SLBP: variants seen among roughly 807,000 people sequenced by gnomAD.
SLBP encodes stem-loop histone mRNA binding protein.
SLBP carries 29 observed loss-of-function variants against 39.2 expected under a neutral mutation model. That is an observed-to-expected ratio of 0.74 (90% CI 0.55 to 1.01). The LOEUF is 1.01. Ranked by LOEUF, SLBP falls within the 50% of genes least tolerant of loss-of-function variation. SLBP has a pLI of 0.00. For missense variants in SLBP, 390 were observed against 350.2 expected (o/e 1.11, Z -0.91); for synonymous variants, 129 against 118.7 (o/e 1.09, Z -0.57).
intron 2 of SLBP, among the ~76,000 whole-genome samples, chr4:1,705,525 T>TAAAA: frequency 6.6e-6 from 1 of 152,196 alleles, no homozygotes; most frequent in African/African-American, 2.4e-5. Flanking sequence ...GGGACTGTCT[T>TAAAA]TAGTTCTGAA....
chr4:1,704,920 C>A lies in SLBP; in HGVS notation c.177-1220G>T, dbSNP rs563798837. Among the ~76,000 whole-genome samples, 10 of 149,684 alleles carry A rather than the reference C, an allele frequency of 6.7e-5. No individual in the cohort carries two copies. The South Asian group carries it at 1.9e-3, about 28-fold the overall frequency. On this transcript the variant is annotated intron_variant, in intron 2 of 7. Coordinates refer to ENST00000489418, the MANE Select transcript of SLBP (RefSeq NM_006527.4). Reference sequence around the variant, plus strand: ...TCTGCCTCCTCCTGTTCTGCACTGACCCATTCTTTTTTTTTTTTCTTTTTG... The same window carrying A: ...TCTGCCTCCTCCTGTTCTGCACTGAACCATTCTTTTTTTTTTTTCTTTTTG...
Position 1,703,688 on chromosome 4 carries a change from A to G in SLBP, c.189T>C (p.Pro63=), listed in dbSNP as rs554781467. The change falls in exon 3 of 8, where the codon CCT becomes CCC. Residue 63 remains proline, a synonymous_variant. Coordinates refer to ENST00000489418, the MANE Select transcript of SLBP (RefSeq NM_006527.4). ...AERRPESFTT[P]EGPKPRSRCS... is the part of the protein sequence containing the mutation. ...ATCTGGAACGGGGTTTAGGGCCTTC[A>G]GGAGTGGTAAAGCTGCAATAAAAGG... The G allele has an allele frequency of 1.3e-5, 21 of 1,611,054 alleles. No homozygotes were observed. The highest frequency in any genetic ancestry group is 8.9e-5 in the East Asian group (4 of 44,876).
chr4:1,704,438 A>G (rs965652007), intron 2 of SLBP, among the ~76,000 whole-genome samples: 2 of 152,166 alleles, frequency 1.3e-5, no homozygotes, highest in African/African-American at 4.8e-5. Context: ...ATTTGTCTCT[A>G]TGCCATTAGT....
intron 6 of SLBP, among the ~76,000 whole-genome samples, chr4:1,695,807 T>TC (rs1341070900): frequency 6.6e-6 from 1 of 151,756 alleles, no homozygotes; most frequent in African/African-American, 2.4e-5. Flanking sequence ...AAGAAAGCCT[T>TC]CCTTCCTTAA....
chr4:1,712,105 C>A, intron 1 of SLBP, 25 bp downstream of exon 1: 1 of 1,227,014 alleles, frequency 8.1e-7, no homozygotes, highest in Non-Finnish European at 1.0e-6. Context: ...CGCGCTCCCT[C>A]GCCCGCCGCG....
At chr4:1,700,351 C>T (rs1342080659) in intron 3 of SLBP, among the ~76,000 whole-genome samples, 1 of 152,134 alleles carries the variant, frequency 6.6e-6, no homozygotes, top group African/African-American at 2.4e-5. Flanking sequence ...GACTCATATG[C>T]CTACTGGGCA....
intron 5 of SLBP, among the ~76,000 whole-genome samples, chr4:1,699,039 A>G (rs756307050): frequency 1.3e-5 from 2 of 152,118 alleles, no homozygotes; most frequent in Non-Finnish European, 2.9e-5. Context: ...TCGGCCTCCC[A>G]AAGTGCTGGA....
intron 2 of SLBP, among the ~76,000 whole-genome samples, chr4:1,710,559 A>T (rs1716711804): frequency 1.3e-5 from 2 of 152,250 alleles, no homozygotes; most frequent in Admixed American, 6.5e-5. Flanking sequence ...GATGACTGTC[A>T]GGGCTTCAAT....
At chr4:1,711,734 G>A in intron 2 of SLBP, 140 bp downstream of exon 2, 1 of 424,970 alleles carries the variant, frequency 2.4e-6, no homozygotes, top group East Asian at 3.7e-5. Context: ...CCAGTCCACG[G>A]GCCGCGCGGA....
At chr4:1,710,876 CCT>C (rs767044637) in intron 2 of SLBP, among the ~76,000 whole-genome samples, 4 of 150,938 alleles carry the variant, frequency 2.7e-5, no homozygotes, top group Non-Finnish European at 4.4e-5. Flanking sequence ...ATGGTGAAAC[CCT>C]GTCTCTACTA....
intron 3 of SLBP, among the ~76,000 whole-genome samples, chr4:1,700,566 C>CT (rs35302220): frequency 9.4e-5 from 14 of 148,802 alleles, no homozygotes; most frequent in Admixed American, 2.7e-4. Flanking sequence ...ATGTGAGTAT[C>CT]TTTTTTTTTT....
At chr4:1,704,280 G>GA (rs1379148967) in intron 2 of SLBP, among the ~76,000 whole-genome samples, 1 of 152,154 alleles carries the variant, frequency 6.6e-6, no homozygotes, top group Non-Finnish European at 1.5e-5. Flanking sequence ...GTGGCAGTCA[G>GA]AAAAACCCAT....
rs767789322 is a variant in SLBP at position 1,693,719 on chromosome 4, A to G, written c.697-6T>C. ...GGTGTGCCAGAGTACACATCCTGGA[A>G]AACAGAAGCATGGCTCGGTTGACAT... is the stretch of plus-strand genomic sequence containing the variant. On this transcript the variant is annotated splice_polypyrimidine_tract_variant and splice_region_variant and intron_variant, in intron 7 of 7. Transcript: ENST00000489418. The G allele has an allele frequency of 2.5e-6, 4 of 1,575,604 alleles. No homozygotes were observed. The highest frequency in any genetic ancestry group is 1.7e-4 in the Middle Eastern group (1 of 5,992).
intron 2 of SLBP, among the ~76,000 whole-genome samples, chr4:1,708,984 G>C (rs1203469821): frequency 6.6e-6 from 1 of 152,034 alleles, no homozygotes; most frequent in East Asian, 1.9e-4. Flanking sequence ...TTCAGAGCTT[G>C]ATCTCAATAA....
chr4:1,705,767 T>C (rs1444045393), intron 2 of SLBP, among the ~76,000 whole-genome samples: 1 of 152,216 alleles, frequency 6.6e-6, no homozygotes, highest in Admixed American at 6.5e-5. Context: ...TGTGCTAATA[T>C]GCAGTATTTA....
Position 1,711,199 on chromosome 4 carries a change from G to C in SLBP, c.176+675C>G, listed in dbSNP as rs143073106. On this transcript the variant is annotated intron_variant, in intron 2 of 7. Coordinates refer to ENST00000489418, the MANE Select transcript of SLBP (RefSeq NM_006527.4). Reference sequence around the variant, plus strand: ...CCTCCCATCCCCAACCCATCAGCAAGTCTCACAGGTCCTGCCTTCAGAAGC... The same window carrying C: ...CCTCCCATCCCCAACCCATCAGCAACTCTCACAGGTCCTGCCTTCAGAAGC... 4.4e-3 allele frequency among the ~76,000 whole-genome samples: 662 copies of C among 150,526 alleles called. 4 individuals carry two copies. Among genetic ancestry groups the C allele is most frequent in the African/African-American group, 0.016 (641 of 40,890 alleles).
At chr4:1,699,756 G>A (rs1460424308) in intron 4 of SLBP, 55 bp from the exon 5 acceptor site, 3 of 1,538,014 alleles carry the variant, frequency 2.0e-6, no homozygotes, top group South Asian at 1.1e-5. Context: ...CACCATGTAT[G>A]TAAGGTAAGC....
In SLBP at chr4:1,712,025, G is replaced by A. The variant is rs1395323412; in HGVS notation, c.60-35C>T. The A allele has an allele frequency of 1.6e-5, 20 of 1,260,268 alleles. No homozygotes were observed. The East Asian group carries it at 2.9e-4, about 18-fold the overall frequency. The allele number at this position is 1,260,268 out of a possible 1,614,324, so 78.1% of individuals were successfully genotyped here. On this transcript the variant is annotated intron_variant, in intron 1 of 7. Transcript: ENST00000489418. ...GGGACGCGGTCGGCTGGGCACGGGAGGTTCGGGACCGCCTTACAACCTCCG... is the reference window on the plus strand; with the variant it reads ...GGGACGCGGTCGGCTGGGCACGGGAAGTTCGGGACCGCCTTACAACCTCCG...
chr4:1,711,753 T>C (rs937853041), intron 2 of SLBP, 121 bp downstream of exon 2: 11 of 465,002 alleles, frequency 2.4e-5, no homozygotes, highest in Non-Finnish European at 2.1e-5. Flanking sequence ...GAGACCAAGA[T>C]AAAAGGACGC....
Sources: gnomAD v4.1 joint callset for allele counts (sites outside exome capture counted in the v4.1 genomes callset) on GRCh38, gnomAD v4.1.1 for gene constraint, MANE v1.5 for transcripts, NCBI Gene and HGNC (gene_info 2026-07-23, HGNC 2026-07-21) for gene names.